Variants in SASH1 observed in about 807,000 individuals in gnomAD.
The protein encoded by SASH1 is SAM and SH3 domain-containing protein 1.
A neutral mutation model predicts 125.2 loss-of-function variants in SASH1; 44 were observed. That is an observed-to-expected ratio of 0.35 (90% CI 0.28 to 0.45). SASH1 has a LOEUF of 0.45. Ranked by LOEUF, SASH1 falls within the 20% of genes least tolerant of loss-of-function variation. SASH1 has a pLI of 1.00. For synonymous variants in SASH1, 639 were observed against 649.1 expected (o/e 0.98, Z 0.24); for missense variants, 1,426 against 1,614.5 (o/e 0.88, Z 2.00).
chr6:148,391,421 A>G, intron 2 of SASH1, among the ~76,000 whole-genome samples: 1 of 104,272 alleles, frequency 9.6e-6, no homozygotes, highest in Admixed American at 1.2e-4. Flanking sequence ...AGACACTTTT[A>G]TAAAAAAAAA....
chr6:148,467,002 G>A (rs971350309), intron 4 of SASH1, among the ~76,000 whole-genome samples: 7 of 148,966 alleles, frequency 4.7e-5, no homozygotes, highest in African/African-American at 1.2e-4. Context: ...TCCCTTGGCT[G>A]TAAGCCCAAG....
intron 1 of SASH1, among the ~76,000 whole-genome samples, chr6:148,383,623 C>CT (rs1407817745): frequency 2.0e-5 from 3 of 151,882 alleles, no homozygotes; most frequent in Admixed American, 6.6e-5. Context: ...TTTTCAGATG[C>CT]TTTTTTTTCT....
chr6:148,358,276 C>T (rs1782034617), intron 1 of SASH1, among the ~76,000 whole-genome samples: 3 of 152,090 alleles, frequency 2.0e-5, no homozygotes. Flanking sequence ...GACTGTAGGT[C>T]ACCGATGGCT....
chr6:148,365,798 A>AC (rs966043139), intron 1 of SASH1, among the ~76,000 whole-genome samples: 1 of 151,162 alleles, frequency 6.6e-6, no homozygotes, highest in African/African-American at 2.4e-5. Flanking sequence ...ACATGATGAA[A>AC]CCCCATGTCT....
In SASH1 at chr6:148,358,798, T is replaced by G. The variant is rs925335477; in HGVS notation, c.156+15575T>G. 3.1e-4 allele frequency among the ~76,000 whole-genome samples: 44 copies of G among 142,588 alleles called. 1 individual carries two copies. The highest frequency in any genetic ancestry group is 1.1e-3 in the African/African-American group (43 of 38,724). The allele number at this position is 142,588 out of a possible 152,430, so 93.5% of individuals were successfully genotyped here. A position where few individuals can be genotyped will look rare whatever the true frequency, so the allele number is the denominator to read the frequency against. On this transcript the variant is annotated intron_variant, in intron 1 of 19. Coordinates refer to ENST00000367467, the MANE Select transcript of SASH1 (RefSeq NM_015278.5). ...TCACCGAGGCTGGAGTGCAGTGGCG[T>G]GATCTCGGCTCACTGCAAGCTCCGC...
At chr6:148,322,934 T>TTTTCCTTCCTTC (rs373088623) in intron 1 of SASH1, among the ~76,000 whole-genome samples, 14,972 of 129,100 alleles carry the variant, frequency 0.12, 1,628 homozygotes, top group East Asian at 0.31. Flanking sequence ...TCTCTCTTTC[T>TTTTCCTTCCTTC]TTTCCTTCCT....
At chr6:148,245,981 TA>T in the SASH1 span, among the ~76,000 whole-genome samples, 1 of 138,450 alleles carries the variant, frequency 7.2e-6, no homozygotes. Context: ...AGACTCCGTC[TA>T]AAAAAACAAA....
At chr6:148,351,214 T>TC (rs1465846796) in intron 1 of SASH1, among the ~76,000 whole-genome samples, 1 of 108,828 alleles carries the variant, frequency 9.2e-6, no homozygotes, top group African/African-American at 3.5e-5. Context: ...TTTTTTTTTT[T>TC]CTGAAAGGCT....
chr6:148,383,817 C>T (rs1337718166), intron 1 of SASH1, among the ~76,000 whole-genome samples: 1 of 152,066 alleles, frequency 6.6e-6, no homozygotes, highest in African/African-American at 2.4e-5. Flanking sequence ...ACTGTGAAAC[C>T]GATTGTTGAG....
chr6:148,299,317 AT>A (rs35101524), intron 1 of SASH1, among the ~76,000 whole-genome samples: 51,396 of 148,614 alleles, frequency 0.35, 8,867 homozygotes, highest in South Asian at 0.41. Context: ...TTAGAAAAGA[AT>A]TTTTTTTTTT....
intron 1 of SASH1, among the ~76,000 whole-genome samples, chr6:148,279,598 A>G (rs1427815814): frequency 2.0e-5 from 3 of 152,136 alleles, no homozygotes; most frequent in African/African-American, 7.2e-5. Flanking sequence ...GAATGCTGAG[A>G]TTTGCTTTCT....
chr6:148,379,650 G>C (rs939350972), intron 1 of SASH1, among the ~76,000 whole-genome samples: 1 of 152,130 alleles, frequency 6.6e-6, no homozygotes, highest in Non-Finnish European at 1.5e-5. Flanking sequence ...CATTTGATAA[G>C]TATTTATTAC....
chr6:148,528,628 G>A (rs1249141667), intron 12 of SASH1, among the ~76,000 whole-genome samples: 1 of 152,090 alleles, frequency 6.6e-6, no homozygotes, highest in East Asian at 1.9e-4. Context: ...CTCCCCCATG[G>A]ACTCCAGGGC....
At chr6:148,320,230 A>G (rs1349650381) in intron 1 of SASH1, among the ~76,000 whole-genome samples, 1 of 152,228 alleles carries the variant, frequency 6.6e-6, no homozygotes, top group Non-Finnish European at 1.5e-5. Context: ...CTAAGGATAA[A>G]GGGAGAATAC....
chr6:148,367,920 G>A (rs909848653), intron 1 of SASH1, among the ~76,000 whole-genome samples: 2 of 152,178 alleles, frequency 1.3e-5, no homozygotes, highest in Non-Finnish European at 2.9e-5. Context: ...TCAGGGCTGC[G>A]GGGTCTACCG....
rs533662616 is a variant in SASH1 at position 148,350,574 on chromosome 6, T to C, written c.156+7351T>C. ...AGAGGAAAAACTATTGTTTATCTAA[T>C]GTGTCCTTTTTAAGAGTGCTGTGGT... On this transcript the variant is annotated intron_variant, in intron 1 of 19. Coordinates refer to ENST00000367467, the MANE Select transcript of SASH1 (RefSeq NM_015278.5). 2.6e-5 allele frequency among the ~76,000 whole-genome samples: 4 copies of C among 152,360 alleles called. No homozygotes were observed. The South Asian group carries it at 8.3e-4, about 32-fold the overall frequency.
the SASH1 span, among the ~76,000 whole-genome samples, chr6:148,202,720 C>T: frequency 5.9e-4 from 90 of 152,226 alleles, no homozygotes; most frequent in Non-Finnish European, 1.1e-3. Context: ...TTTGGGAGGC[C>T]GAGGCAGGCA....
intron 1 of SASH1, among the ~76,000 whole-genome samples, chr6:148,320,431 C>T (rs73007546): frequency 0.091 from 13,833 of 152,262 alleles, 699 homozygotes; most frequent in African/African-American, 0.12. Context: ...CCAAATTTTA[C>T]TCCCTCTCTC....
intron 19 of SASH1, 141 bp from the exon 20 acceptor site, chr6:148,548,154 T>A: frequency 2.8e-6 from 2 of 726,918 alleles, no homozygotes; most frequent in Non-Finnish European, 4.3e-6. Context: ...CTAGTCTTGA[T>A]CTCTGACACT....
Sources: allele counts gnomAD v4.1 joint callset (sites outside exome capture counted in the v4.1 genomes callset), GRCh38; gene constraint gnomAD v4.1.1; transcripts MANE v1.5; gene names NCBI Gene and HGNC (gene_info 2026-07-23, HGNC 2026-07-21).